Variants in CCDC82 observed in about 807,000 individuals in gnomAD.
The protein encoded by CCDC82 is coiled-coil domain containing 82, also known as coiled-coil domain-containing protein 82.
Under a neutral mutation model 60.6 loss-of-function variants are expected in CCDC82, and 47 were observed. The ratio of observed to expected loss-of-function variants is 0.77; its 90% CI spans 0.61 to 0.99. CCDC82 has a LOEUF of 0.99. Ranked by LOEUF, CCDC82 falls within the 50% of genes least tolerant of loss-of-function variation. The pLI is 0.00. For synonymous variants in CCDC82, 212 were observed against 207.4 expected, an observed-to-expected ratio of 1.02 and a Z score of -0.19; for missense variants, 588 against 633.0, an observed-to-expected ratio of 0.93 and a Z score of 0.76.
rs1404478859 is a variant in CCDC82, at chr11:96,353,115, C to G, written c.*531G>C. The G allele has an allele frequency of 6.6e-6, 1 of 152,134 alleles. No homozygotes were observed. Among genetic ancestry groups the G allele is most frequent in the Admixed American group, 6.5e-5 (1 of 15,268 alleles). The allele number at this position is 152,134 out of a possible 1,614,324, so 9.4% of individuals were successfully genotyped here. A position where few individuals can be genotyped will look rare whatever the true frequency, so the allele number is the denominator to read the frequency against. ...TCAAGAAAAGGAAAAAAGCATTCCT[C>G]TACTTAGAATAGATATGCTATGATC... On this transcript the variant is annotated 3_prime_UTR_variant, in exon 10 of 10. Coordinates refer to ENST00000646818, the MANE Select transcript of CCDC82 (RefSeq NM_024725.4).
chr11:96,357,627 CATAT>C (rs1391037129), intron 9 of CCDC82: 2 of 977,322 alleles, frequency 2.0e-6, no homozygotes, highest in Non-Finnish European at 2.4e-6. Flanking sequence ...TATTATATAA[CATAT>C]ACAGTATATG....
At chr11:96,376,579 C>T (rs1270086845) in intron 5 of CCDC82, among the ~76,000 whole-genome samples, 2 of 152,022 alleles carry the variant, frequency 1.3e-5, no homozygotes, top group African/African-American at 4.8e-5. Context: ...AGGCGCCCGC[C>T]ACCATGCCTG....
In CCDC82 at chr11:96,365,020, C is replaced by T; in HGVS notation, c.1340G>A (p.Arg447Lys). ...VHLSGELYNT[R>K]TMQIDNFMSH... ...CATGAAATTATCTATTTGCATGGTCCTGGTGTTATACAACTCTCCTGATAA... is the reference window on the plus strand; with the variant it reads ...CATGAAATTATCTATTTGCATGGTCTTGGTGTTATACAACTCTCCTGATAA... Residue 447 changes from arginine to lysine, a missense_variant, in exon 8 of 10, where the codon AGG becomes AAG. Coordinates refer to ENST00000646818, the MANE Select transcript of CCDC82 (RefSeq NM_024725.4). The T allele has an allele frequency of 6.2e-7, 1 of 1,610,410 alleles. No homozygotes were observed. Among genetic ancestry groups the T allele is most frequent in the Non-Finnish European group, 8.5e-7 (1 of 1,178,526 alleles).
intron 9 of CCDC82, chr11:96,358,216 T>C (rs1228111197): frequency 9.8e-6 from 10 of 1,018,512 alleles, no homozygotes; most frequent in East Asian, 8.8e-5. Flanking sequence ...AAGAGTTGCC[T>C]GAAAATCTAC....
chr11:96,363,908 G>A (rs959107735), intron 8 of CCDC82: 4 of 152,030 alleles, frequency 2.6e-5, no homozygotes, highest in African/African-American at 7.2e-5. Context: ...TTTCTCTTAC[G>A]TGACTGGCAA....
chr11:96,356,874 G>A (rs1452063601), intron 9 of CCDC82: 1 of 985,278 alleles, frequency 1.0e-6, no homozygotes, highest in Non-Finnish European at 1.2e-6. Context: ...GAAGAAGCAG[G>A]TAAGGGAAAA....
intron 7 of CCDC82, among the ~76,000 whole-genome samples, chr11:96,370,739 C>A (rs1033391488): frequency 6.6e-6 from 1 of 152,160 alleles, no homozygotes; most frequent in Non-Finnish European, 1.5e-5. Flanking sequence ...CATAACAACA[C>A]CGTGTGAGAC....
At position 96,366,279 on chromosome 11, in the gene CCDC82, T is replaced by C. The variant is rs893969555; in HGVS notation, c.1210-1129A>G. Among the ~76,000 whole-genome samples the C allele has an allele frequency of 3.3e-5, 5 of 152,210 alleles. No individual in the cohort carries two copies. The East Asian group carries it at 7.7e-4, about 23-fold the overall frequency. ...TAAGCCATTGGGATTTTATTGTTGG[T>C]TTATTTTGTTTGTTAGTTATATTCT... On this transcript the variant is annotated intron_variant, in intron 7 of 9. Transcript: ENST00000646818.
intron 2 of CCDC82, chr11:96,387,273 A>AT (rs1342350872): frequency 6.6e-6 from 1 of 152,256 alleles, no homozygotes; most frequent in African/African-American, 2.4e-5. Context: ...ACACTAGATG[A>AT]TTATCTTACA....
chr11:96,362,931 G>A (rs1346063692), intron 8 of CCDC82, among the ~76,000 whole-genome samples: 1 of 151,854 alleles, frequency 6.6e-6, no homozygotes, highest in Non-Finnish European at 1.5e-5. Context: ...ATAACTTGAA[G>A]ATGGGTGTGG....
intron 6 of CCDC82, among the ~76,000 whole-genome samples, chr11:96,372,869 A>G (rs888306430): frequency 7.2e-5 from 11 of 151,752 alleles, no homozygotes; most frequent in Non-Finnish European, 1.2e-4. Context: ...TACCATACTC[A>G]GAATGATGGC....
chr11:96,357,019 C>T (rs1335940363), intron 9 of CCDC82: 1 of 985,226 alleles, frequency 1.0e-6, no homozygotes, highest in East Asian at 1.1e-4. Flanking sequence ...AACACTGAGC[C>T]CCAGGCATTC....
chr11:96,368,149 G>T (rs1357890353), intron 7 of CCDC82, among the ~76,000 whole-genome samples: 1 of 152,078 alleles, frequency 6.6e-6, no homozygotes, highest in Admixed American at 6.5e-5. Context: ...AATAAAACTT[G>T]AAAGTCAAAA....
chr11:96,368,779 T>C (rs1412116420), intron 7 of CCDC82, among the ~76,000 whole-genome samples: 4 of 150,548 alleles, frequency 2.7e-5, no homozygotes, highest in African/African-American at 9.8e-5. Flanking sequence ...GGCAGGAGAA[T>C]GGCGTGAACC....
Position 96,384,498 on chromosome 11 carries a change from C to A in CCDC82, c.250G>T (p.Glu84Ter). 6.2e-7 allele frequency: 1 copy of A among 1,613,772 alleles called. No homozygotes were observed. Among genetic ancestry groups the A allele is most frequent in the Non-Finnish European group, 8.5e-7 (1 of 1,179,794 alleles). Residue 84 changes from glutamate (E) to a stop codon, truncating the protein, a stop_gained, in exon 4 of 10, where the codon GAG becomes TAG. Transcript: ENST00000646818. LOFTEE classifies it high-confidence loss of function. ...CTTTGAATTTTACTTAAGTTGAGCT[C>A]TCTTTCACTTCCTGGTGTTTTATTA... is the stretch of plus-strand genomic sequence containing the variant. The part of the protein sequence containing the change: ...DCNKTPGSER[E>*]LNLSKIQSEG...
intron 9 of CCDC82, chr11:96,355,569 G>C (rs1057200960): frequency 6.6e-5 from 10 of 152,122 alleles, no homozygotes; most frequent in African/African-American, 9.7e-5. Context: ...CTTAGGCTAA[G>C]AGAAATAAAA....
chr11:96,376,658 C>T (rs544164252), intron 5 of CCDC82, among the ~76,000 whole-genome samples: 1 of 152,148 alleles, frequency 6.6e-6, no homozygotes, highest in East Asian at 1.9e-4. Context: ...GAACTCCTGA[C>T]CTCAGGTGAT....
At chr11:96,373,545 T>G (rs749737819) in intron 5 of CCDC82, 78 bp from the exon 6 acceptor site, 5 of 797,388 alleles carry the variant, frequency 6.3e-6, no homozygotes, top group Non-Finnish European at 8.3e-6. Flanking sequence ...CATTCTCCAC[T>G]GCTAAGAAAT....
intron 5 of CCDC82, among the ~76,000 whole-genome samples, chr11:96,377,948 G>A (rs1319286499): frequency 6.6e-6 from 1 of 151,912 alleles, no homozygotes; most frequent in Non-Finnish European, 1.5e-5. Flanking sequence ...CAAAAATATG[G>A]TATGATTTTT....
Sources: gnomAD v4.1 joint callset for allele counts (sites outside exome capture counted in the v4.1 genomes callset) on GRCh38, gnomAD v4.1.1 for gene constraint, MANE v1.5 for transcripts, NCBI Gene and HGNC (gene_info 2026-07-23, HGNC 2026-07-21) for gene names.